Variants in RYR2 observed in about 807,000 individuals in gnomAD.
RYR2 encodes the protein cardiac muscle ryanodine receptor-calcium release channel.
Under a neutral mutation model 601.1 loss-of-function variants are expected in RYR2, and 227 were observed. The observed-to-expected ratio is 0.38, with a 90% confidence interval of 0.34 to 0.42. The LOEUF is 0.42. Ranked by LOEUF, RYR2 falls within the 10% of genes least tolerant of loss-of-function variation. RYR2 has a pLI of 1.00. For missense variants in RYR2, 4,646 were observed against 6,156.5 expected (o/e 0.75, Z 8.21); for synonymous variants, 2,223 against 2,175.1 (o/e 1.02, Z -0.61).
intron 5 of RYR2, among the ~76,000 whole-genome samples, chr1:237,364,707 T>G (rs1240600537): frequency 6.6e-6 from 1 of 151,970 alleles, no homozygotes; most frequent in Non-Finnish European, 1.5e-5. Flanking sequence ...TATTGTAACA[T>G]TATATTTAAT....
rs77034794 is a variant in RYR2 at position 237,247,204 on chromosome 1, G to C, written c.49-23293G>C. Reference sequence around the variant, plus strand: ...GAGACTGCTTGAGAAGGACGGAGAAGGAAAAGCTCTCGACACTGTGAAATA... The same window carrying C: ...GAGACTGCTTGAGAAGGACGGAGAACGAAAAGCTCTCGACACTGTGAAATA... On this transcript the variant is annotated intron_variant, in intron 1 of 104. Coordinates refer to ENST00000366574, the MANE Select transcript of RYR2 (RefSeq NM_001035.3). Among the ~76,000 whole-genome samples, 673 of 152,236 alleles carry C rather than the reference G, an allele frequency of 4.4e-3. 39 individuals carry two copies. The East Asian group carries it at 0.11, about 26-fold the overall frequency.
At chr1:237,711,699 A>T in intron 70 of RYR2, 46 bp from the exon 71 acceptor site, 2 of 948,016 alleles carry the variant, frequency 2.1e-6, no homozygotes, top group Non-Finnish European at 3.4e-6. Flanking sequence ...AATTACAAAG[A>T]CTTCTTTAAG....
At chr1:237,801,318 A>T (rs1384290605) in intron 97 of RYR2, among the ~76,000 whole-genome samples, 1 of 147,050 alleles carries the variant, frequency 6.8e-6, no homozygotes, top group Non-Finnish European at 1.5e-5. Context: ...ATCCCCTGAG[A>T]TCAGGAGTTC....
intron 1 of RYR2, among the ~76,000 whole-genome samples, chr1:237,159,684 A>G (rs1558340703): frequency 6.6e-6 from 1 of 152,316 alleles, no homozygotes; most frequent in East Asian, 1.9e-4. Flanking sequence ...TACTACTAGT[A>G]GTACTACTAC....
intron 2 of RYR2, among the ~76,000 whole-genome samples, chr1:237,296,827 C>CT (rs1052554752): frequency 6.6e-6 from 1 of 152,152 alleles, no homozygotes; most frequent in Non-Finnish European, 1.5e-5. Context: ...AAAGCAGACA[C>CT]TTTTTTGAGT....
intron 65 of RYR2, among the ~76,000 whole-genome samples, chr1:237,701,696 C>T (rs1416204342): frequency 6.6e-6 from 1 of 151,980 alleles, no homozygotes; most frequent in African/African-American, 2.4e-5. Context: ...CCTCACCCTT[C>T]TGAGTCTTGT....
chr1:237,746,065 A>G (rs772804279), intron 80 of RYR2, among the ~76,000 whole-genome samples: 13 of 152,196 alleles, frequency 8.5e-5, no homozygotes, highest in Non-Finnish European at 1.5e-4. Context: ...TTAATTCCCT[A>G]TAAAGATACT....
At chr1:237,645,700 C>T (rs2148771930) in intron 48 of RYR2, among the ~76,000 whole-genome samples, 1 of 152,112 alleles carries the variant, frequency 6.6e-6, no homozygotes, top group Admixed American at 6.5e-5. Context: ...GCTTTCTTTC[C>T]TTTTGTAGTT....
chr1:237,149,219 C>A (rs975936640), intron 1 of RYR2, among the ~76,000 whole-genome samples: 7 of 151,972 alleles, frequency 4.6e-5, no homozygotes, highest in South Asian at 2.1e-4. Context: ...CTATCTATAT[C>A]CTTGAAATTT....
rs117028479 is a variant in RYR2, at chr1:237,550,902, C to T, written c.3214+211C>T. Among the ~76,000 whole-genome samples the T allele has an allele frequency of 2.0e-4, 31 of 152,112 alleles. No homozygotes were observed. The East Asian group carries it at 3.5e-3, about 17-fold the overall frequency. On this transcript the variant is annotated intron_variant, in intron 27 of 104. Transcript: ENST00000366574. ...CTCAGGATGCTGATGATTCTTTGGG[C>T]GGAGAAAATGGGCCTGTCTTCCTCA...
At chr1:237,758,484 G>A (rs967386698) in intron 82 of RYR2, among the ~76,000 whole-genome samples, 20 of 152,184 alleles carry the variant, frequency 1.3e-4, no homozygotes, top group African/African-American at 3.1e-4. Flanking sequence ...GTCTATGTGC[G>A]TATATATGTG....
At chr1:237,539,941 G>C (rs16835383) in intron 25 of RYR2, among the ~76,000 whole-genome samples, 3,069 of 152,056 alleles carry the variant, frequency 0.02, 94 homozygotes, top group African/African-American at 0.064. Context: ...GCCAATTTCT[G>C]ATATATAATA....
chr1:237,552,658 T>G (rs1670519939), intron 27 of RYR2, among the ~76,000 whole-genome samples: 1 of 152,036 alleles, frequency 6.6e-6, no homozygotes, highest in South Asian at 2.1e-4. Flanking sequence ...TATATGTAGT[T>G]TCTTTTGTTC....
intron 27 of RYR2, 75 bp from the exon 28 acceptor site, chr1:237,566,492 T>C: frequency 1.4e-6 from 2 of 1,406,850 alleles, no homozygotes; most frequent in South Asian, 1.3e-5. Flanking sequence ...TCTTTCCTTC[T>C]TTTATTTATG....
At chr1:237,743,218 T>G (rs1197211046) in intron 80 of RYR2, among the ~76,000 whole-genome samples, 1 of 152,270 alleles carries the variant, frequency 6.6e-6, no homozygotes, top group Non-Finnish European at 1.5e-5. Context: ...TTAATTAAAG[T>G]GGACCCACAA....
chr1:237,513,838 A>G (rs983388327), intron 24 of RYR2, among the ~76,000 whole-genome samples: 3 of 152,136 alleles, frequency 2.0e-5, no homozygotes, highest in African/African-American at 7.2e-5. Context: ...CTAAAGACCC[A>G]TTTCTCAGAG....
intron 27 of RYR2, among the ~76,000 whole-genome samples, chr1:237,564,696 T>G (rs539478354): frequency 6.6e-6 from 1 of 152,222 alleles, no homozygotes; most frequent in African/African-American, 2.4e-5. Context: ...GTAATAGGCA[T>G]GAGAATTTAC....
chr1:237,485,104 T>G (rs982919322), intron 17 of RYR2, among the ~76,000 whole-genome samples: 10 of 152,172 alleles, frequency 6.6e-5, no homozygotes, highest in South Asian at 4.1e-4. Context: ...GATAAGGAAA[T>G]CCTAGCACTA....
intron 1 of RYR2, among the ~76,000 whole-genome samples, chr1:237,224,026 G>C (rs1476714468): frequency 1.3e-5 from 2 of 152,126 alleles, no homozygotes; most frequent in Non-Finnish European, 2.9e-5. Context: ...ACTCATCATG[G>C]ATGATTTCCT....
Sources: gnomAD v4.1 joint callset for allele counts (sites outside exome capture counted in the v4.1 genomes callset) on GRCh38, gnomAD v4.1.1 for gene constraint, MANE v1.5 for transcripts, NCBI Gene and HGNC (gene_info 2026-07-23, HGNC 2026-07-21) for gene names.